Variants in AOPEP observed in about 807,000 individuals in gnomAD.
The protein encoded by AOPEP is aminopeptidase O.
AOPEP carries 77 observed loss-of-function variants against 98.1 expected under a neutral mutation model. That is an observed-to-expected ratio of 0.78 (90% CI 0.65 to 0.95). The LOEUF (loss-of-function observed/expected upper bound fraction) is 0.95. Among genes scored for constraint, AOPEP ranks in the 40% least tolerant of loss-of-function variants. The pLI, the probability that AOPEP is intolerant of heterozygous loss-of-function variation, is 0.00. For missense variants in AOPEP, 1,024 were observed against 1,024.7 expected (o/e 1.00, Z 0.01); for synonymous variants, 346 against 365.3 (o/e 0.95, Z 0.60).
intron 5 of AOPEP, among the ~76,000 whole-genome samples, chr9:94,857,236 C>T (rs552718150): frequency 4.5e-4 from 68 of 152,192 alleles, no homozygotes; most frequent in Non-Finnish European, 9.3e-4. Context: ...TTCTCTATCC[C>T]TCTCATCATA....
chr9:94,728,542 TAAAGA>T (rs1587914336), intron 1 of AOPEP, among the ~76,000 whole-genome samples: 1 of 152,124 alleles, frequency 6.6e-6, no homozygotes, highest in Non-Finnish European at 1.5e-5. Context: ...TGTGAGGAGA[TAAAGA>T]AGAGTTAGAG....
chr9:94,899,875 C>T (rs562697854), intron 5 of AOPEP, among the ~76,000 whole-genome samples: 1 of 152,318 alleles, frequency 6.6e-6, no homozygotes, highest in East Asian at 1.9e-4. Context: ...TCCCAACTTA[C>T]TGTCTCTATA....
intron 13 of AOPEP, among the ~76,000 whole-genome samples, chr9:95,044,787 C>T (rs1252571504): frequency 2.0e-5 from 3 of 152,116 alleles, no homozygotes; most frequent in Non-Finnish European, 4.4e-5. Flanking sequence ...GGGAACCCAC[C>T]TGGTGGTAAG....
chr9:94,955,980 G>T lies in AOPEP; in HGVS notation c.1837G>T (p.Val613Leu). 6.2e-7 allele frequency: 1 copy of T among 1,613,356 alleles called. No individual in the cohort carries two copies. The highest frequency in any genetic ancestry group is 8.5e-7 in the Non-Finnish European group (1 of 1,179,682). Residue 613 changes from valine (V) to leucine (L), a missense_variant, in exon 9 of 17, where the codon GTG (valine) becomes TTG (leucine). Val to Leu is a conservative substitution (Grantham distance 32). Around this residue, in one of 3 missense-constraint regions of AOPEP, gnomAD observed 566 missense variants for 551.7 expected, o/e 1.03. Coordinates refer to ENST00000375315, the MANE Select transcript of AOPEP (RefSeq NM_001193329.3). ...CTATTTTTCATTTTTAAGAAAATTT[G>T]TGCACACATTTCATGGACAGCTGAT... ...ETYFSFLRKF[V>L]HTFHGQLILS... is the part of the protein sequence containing the mutation.
chr9:95,107,582 A>T, the AOPEP span: 1 of 469,024 alleles, frequency 2.1e-6, no homozygotes, highest in Non-Finnish European at 3.9e-6. Flanking sequence ...ATATTGTGGG[A>T]AAAAGAACAA....
chr9:94,895,526 T>C (rs945876096), intron 5 of AOPEP, among the ~76,000 whole-genome samples: 2 of 152,106 alleles, frequency 1.3e-5, no homozygotes, highest in African/African-American at 4.8e-5. Flanking sequence ...CATCACTATG[T>C]AATAATATTT....
At chr9:94,731,179 CT>C (rs894863403) in intron 1 of AOPEP, among the ~76,000 whole-genome samples, 2 of 151,806 alleles carry the variant, frequency 1.3e-5, no homozygotes, top group African/African-American at 4.8e-5. Flanking sequence ...TTTCCCCCAA[CT>C]TTTACTTCTC....
the AOPEP span, chr9:95,111,043 A>G: frequency 6.8e-7 from 1 of 1,462,380 alleles, no homozygotes; most frequent in Non-Finnish European, 9.0e-7. Flanking sequence ...TCAAGATGGA[A>G]GCAAGCCCTG....
chr9:94,905,710 A>G (rs2051043672), intron 5 of AOPEP, among the ~76,000 whole-genome samples: 1 of 152,210 alleles, frequency 6.6e-6, no homozygotes, highest in Non-Finnish European at 1.5e-5. Flanking sequence ...ACACACACTC[A>G]CACTCACAGA....
chr9:94,745,842 A>G (rs142636373), intron 1 of AOPEP, among the ~76,000 whole-genome samples: 10 of 152,298 alleles, frequency 6.6e-5, no homozygotes, highest in Admixed American at 2.6e-4. Context: ...GAGTGCAGGT[A>G]TGTCTTTGAT....
intron 13 of AOPEP, among the ~76,000 whole-genome samples, chr9:95,032,539 G>C (rs544300773): frequency 2.0e-5 from 3 of 152,256 alleles, no homozygotes; most frequent in Non-Finnish European, 2.9e-5. Flanking sequence ...GTGGCGATGT[G>C]CACTACCAGA....
At chr9:94,910,432 C>T (rs1423018200) in intron 5 of AOPEP, among the ~76,000 whole-genome samples, 1 of 152,194 alleles carries the variant, frequency 6.6e-6, no homozygotes, top group African/African-American at 2.4e-5. Context: ...CTCGGGCAGC[C>T]TTGCAGCACG....
At chr9:95,103,567 G>A in the AOPEP span, among the ~76,000 whole-genome samples, 1 of 152,238 alleles carries the variant, frequency 6.6e-6, no homozygotes, top group Non-Finnish European at 1.5e-5. Context: ...GCAGGCACAA[G>A]TGAGGGAGCA....
At chr9:95,104,720 G>C in the AOPEP span, among the ~76,000 whole-genome samples, 2 of 152,134 alleles carry the variant, frequency 1.3e-5, no homozygotes, top group African/African-American at 4.8e-5. Context: ...CACCCTGTCG[G>C]CAGGGCTGGA....
At chr9:94,856,418 G>T (rs1264076199) in intron 5 of AOPEP, among the ~76,000 whole-genome samples, 1 of 152,102 alleles carries the variant, frequency 6.6e-6, no homozygotes, top group African/African-American at 2.4e-5. Flanking sequence ...GAGGCGGGCG[G>T]ATCACCAGAG....
chr9:95,057,365 C>T (rs1247532181), intron 13 of AOPEP, among the ~76,000 whole-genome samples: 1 of 152,188 alleles, frequency 6.6e-6, no homozygotes, highest in African/African-American at 2.4e-5. Flanking sequence ...GTGGAGTGGT[C>T]CACATAGCAT....
Position 94,760,359 on chromosome 9 carries a change from G to T in AOPEP, c.576G>T (p.Val192=). The T allele has an allele frequency of 6.2e-7, 1 of 1,614,176 alleles. No homozygotes were observed. The highest frequency in any genetic ancestry group is 1.1e-5 in the South Asian group (1 of 91,072). ...GGAATCAGATTGTACGTGAACTTGT[G>T]ACTTTGCCTGCAAATCGTTGGAGGG... The part of the protein sequence containing the change: ...EFRNQIVREL[V]TLPANRWREQ... Residue 192 remains valine (V), a synonymous_variant, in exon 2 of 17, where the codon GTG becomes GTT. Transcript: ENST00000375315.
intron 5 of AOPEP, among the ~76,000 whole-genome samples, chr9:94,863,141 T>A (rs2045264720): frequency 6.6e-6 from 1 of 152,092 alleles, no homozygotes; most frequent in Non-Finnish European, 1.5e-5. Context: ...GAGGCCAGGG[T>A]GGAGTGGGAA....
At chr9:94,932,982 A>G (rs776175069) in intron 7 of AOPEP, 11 of 985,438 alleles carry the variant, frequency 1.1e-5, no homozygotes, top group Non-Finnish European at 1.3e-5. Flanking sequence ...TAGGGGTCAC[A>G]TGCCATTTTT....
Sources: allele counts gnomAD v4.1 joint callset (sites outside exome capture counted in the v4.1 genomes callset), GRCh38; gene constraint gnomAD v4.1.1; regional missense constraint gnomAD v4.1.1; transcripts MANE v1.5; gene names NCBI Gene and HGNC (gene_info 2026-07-23, HGNC 2026-07-21).